ADGRB3: variants seen among roughly 807,000 people sequenced by gnomAD.
ADGRB3 encodes adhesion G protein-coupled receptor B3.
Under a neutral mutation model 193.4 loss-of-function variants are expected in ADGRB3, and 37 were observed. That is an observed-to-expected ratio of 0.19 (90% CI 0.15 to 0.25). ADGRB3 has a LOEUF of 0.25. Ranked by LOEUF, ADGRB3 falls within the 10% of genes least tolerant of loss-of-function variation. The pLI is 1.00. For missense variants in ADGRB3, 1,637 were observed against 1,852.9 expected, an observed-to-expected ratio of 0.88 and a Z score of 2.14; for synonymous variants, 690 against 644.2, an observed-to-expected ratio of 1.07 and a Z score of -1.08.
At chr6:69,365,668 A>T (rs1769552448) in intron 29 of ADGRB3, among the ~76,000 whole-genome samples, 1 of 152,098 alleles carries the variant, frequency 6.6e-6, no homozygotes, top group Non-Finnish European at 1.5e-5. Context: ...CTATTTGTGT[A>T]TAAGCTTACC....
intron 17 of ADGRB3, among the ~76,000 whole-genome samples, chr6:69,136,956 T>G (rs1774165936): frequency 6.6e-6 from 1 of 152,116 alleles, no homozygotes; most frequent in Non-Finnish European, 1.5e-5. Context: ...AATCCCTCAC[T>G]GGTGGTTTCC....
intron 17 of ADGRB3, among the ~76,000 whole-genome samples, chr6:69,140,888 C>A (rs750108787): frequency 1.3e-5 from 2 of 151,952 alleles, no homozygotes; most frequent in African/African-American, 4.8e-5. Flanking sequence ...TTTACTCACT[C>A]AACAATCATT....
At position 69,338,971 on chromosome 6, in the gene ADGRB3, G is replaced by A; in HGVS notation, c.3244G>A (p.Val1082Ile). ...GCTCAAATGTGCCAAGTGTGGAGTA[G>A]TTTCAACAACAGCTTTGTCAGCCAC... The part of the protein sequence containing the change: ...LTLKCAKCGV[V>I]STTALSATTA... Residue 1082 changes from valine (V) to isoleucine (I), a missense_variant, in exon 25 of 32, where the codon GTT becomes ATT. This residue lies in a region of ADGRB3 where 56 missense variants were observed against 53.3 expected (regional missense o/e 1.05). Transcript: ENST00000370598. The A allele has an allele frequency of 6.2e-7, 1 of 1,613,780 alleles. No homozygotes were observed. Among genetic ancestry groups the A allele is most frequent in the South Asian group, 1.1e-5 (1 of 91,080 alleles).
At chr6:68,801,988 A>G (rs1018306972) in intron 3 of ADGRB3, among the ~76,000 whole-genome samples, 1 of 152,208 alleles carries the variant, frequency 6.6e-6, no homozygotes, top group Non-Finnish European at 1.5e-5. Context: ...AAAAAATTGT[A>G]TCATAGAACC....
intron 3 of ADGRB3, among the ~76,000 whole-genome samples, chr6:68,681,852 A>T (rs1764902889): frequency 6.6e-6 from 1 of 152,240 alleles, no homozygotes. Flanking sequence ...TTTTAAACTT[A>T]ACCTAGGAAC....
At chr6:68,672,146 CT>C (rs1224052518) in intron 3 of ADGRB3, among the ~76,000 whole-genome samples, 1 of 151,710 alleles carries the variant, frequency 6.6e-6, no homozygotes, top group African/African-American at 2.4e-5. Flanking sequence ...TTTGAATCCT[CT>C]CTCTTTTTTT....
chr6:69,290,705 G>A (rs1767647349), intron 20 of ADGRB3, among the ~76,000 whole-genome samples: 1 of 152,056 alleles, frequency 6.6e-6, no homozygotes, highest in South Asian at 2.1e-4. Flanking sequence ...AAACAAATAA[G>A]TAAATACATT....
chr6:68,954,155 G>A (rs891801401), intron 6 of ADGRB3, among the ~76,000 whole-genome samples: 2 of 152,138 alleles, frequency 1.3e-5, no homozygotes, highest in African/African-American at 4.8e-5. Flanking sequence ...CCCAGTAGAT[G>A]CAGTATGTCC....
At chr6:69,063,943 T>C (rs1221838273) in intron 16 of ADGRB3, among the ~76,000 whole-genome samples, 1 of 152,010 alleles carries the variant, frequency 6.6e-6, no homozygotes, top group African/African-American at 2.4e-5. Context: ...CATATTTTTA[T>C]CCTTGCAAAG....
intron 13 of ADGRB3, among the ~76,000 whole-genome samples, chr6:69,040,351 T>TTCTTTC (rs1562133150): frequency 3.7e-5 from 2 of 54,554 alleles, no homozygotes; most frequent in African/African-American, 1.1e-4. Context: ...CTTTCTTTCT[T>TTCTTTC]TCTTTCTTTC....
chr6:69,209,661 G>C (rs190675100), intron 17 of ADGRB3, among the ~76,000 whole-genome samples: 1 of 152,210 alleles, frequency 6.6e-6, no homozygotes, highest in Non-Finnish European at 1.5e-5. Flanking sequence ...AAGGAGTATT[G>C]CTGGCCTTGC....
At chr6:69,068,792 C>G (rs1204824489) in intron 16 of ADGRB3, among the ~76,000 whole-genome samples, 1 of 152,208 alleles carries the variant, frequency 6.6e-6, no homozygotes, top group East Asian at 1.9e-4. Context: ...AATATGTGCC[C>G]TCTCCTTGTA....
intron 3 of ADGRB3, among the ~76,000 whole-genome samples, chr6:68,679,719 A>G (rs1764845093): frequency 6.6e-6 from 1 of 152,024 alleles, no homozygotes; most frequent in African/African-American, 2.4e-5. Flanking sequence ...AAGCAGGGCC[A>G]TCTTTTTTTT....
intron 3 of ADGRB3, among the ~76,000 whole-genome samples, chr6:68,818,661 T>G (rs1292472223): frequency 6.6e-6 from 1 of 152,092 alleles, no homozygotes; most frequent in Non-Finnish European, 1.5e-5. Context: ...AAAATGTGGT[T>G]TTAATTATTT....
intron 17 of ADGRB3, among the ~76,000 whole-genome samples, chr6:69,209,589 C>A (rs1249359463): frequency 6.6e-6 from 1 of 152,344 alleles, no homozygotes; most frequent in East Asian, 1.9e-4. Flanking sequence ...CAATTGCAGT[C>A]TCTCTGAATA....
chr6:69,139,705 T>C (rs1774269630), intron 17 of ADGRB3, among the ~76,000 whole-genome samples: 1 of 152,178 alleles, frequency 6.6e-6, no homozygotes, highest in Non-Finnish European at 1.5e-5. Context: ...AATGGGGAGA[T>C]AGGTTTTTAA....
chr6:68,913,772 G>A (rs1448988600), intron 3 of ADGRB3, among the ~76,000 whole-genome samples: 2 of 152,052 alleles, frequency 1.3e-5, no homozygotes, highest in African/African-American at 4.8e-5. Context: ...TCAAATCAAA[G>A]GCAAAGAAGT....
intron 3 of ADGRB3, among the ~76,000 whole-genome samples, chr6:68,903,761 C>T (rs563974905): frequency 1.7e-4 from 26 of 151,804 alleles, no homozygotes; most frequent in African/African-American, 5.6e-4. Flanking sequence ...AATCCCATCG[C>T]TTTGAGTGGG....
At chr6:69,315,132 G>A (rs7770225) in intron 20 of ADGRB3, among the ~76,000 whole-genome samples, 2,474 of 151,444 alleles carry the variant, frequency 0.016, 68 homozygotes, top group African/African-American at 0.056. Context: ...AAGAATAACA[G>A]TACTGTTAAA....
Sources: allele counts gnomAD v4.1 joint callset (sites outside exome capture counted in the v4.1 genomes callset), GRCh38; gene constraint gnomAD v4.1.1; regional missense constraint gnomAD v4.1.1; transcripts MANE v1.5; gene names NCBI Gene and HGNC (gene_info 2026-07-23, HGNC 2026-07-21).